CACNA2D2: variants seen among roughly 807,000 people sequenced by gnomAD.
CACNA2D2 encodes calcium voltage-gated channel auxiliary subunit alpha2delta 2.
Under a neutral mutation model 166.4 loss-of-function variants are expected in CACNA2D2, and 48 were observed. The observed-to-expected ratio is 0.29, with a 90% CI of 0.23 to 0.37. The LOEUF is 0.37. Ranked by LOEUF, CACNA2D2 falls within the 10% of genes least tolerant of loss-of-function variation. The pLI, the probability that CACNA2D2 is intolerant of heterozygous loss-of-function variation, is 1.00. For missense variants in CACNA2D2, 1,122 were observed against 1,433.0 expected (o/e 0.78, Z 3.50); for synonymous variants, 561 against 573.7 (o/e 0.98, Z 0.32).
intron 3 of CACNA2D2, among the ~76,000 whole-genome samples, chr3:50,402,893 G>A (rs1038404829): frequency 3.3e-5 from 5 of 151,770 alleles, no homozygotes; most frequent in Admixed American, 2.0e-4. Flanking sequence ...TCCAGGGGCC[G>A]TCGGCCACTC....
intron 1 of CACNA2D2, among the ~76,000 whole-genome samples, chr3:50,501,512 C>T (rs1232010412): frequency 1.3e-5 from 2 of 152,194 alleles, no homozygotes; most frequent in African/African-American, 4.8e-5. Flanking sequence ...GCCTCGCCAT[C>T]TTCTGGCTGG....
rs1458355614 is a variant in CACNA2D2 at position 50,365,661 on chromosome 3, G to A, written c.2943C>T (p.Gly981=). 1.3e-6 allele frequency: 2 copies of A among 1,582,964 alleles called. No homozygotes were observed. Among genetic ancestry groups the A allele is most frequent in the Non-Finnish European group, 1.7e-6 (2 of 1,164,808 alleles). The change falls in exon 34 of 38, where the codon GGC becomes GGT. Residue 981 remains glycine, a synonymous_variant. Coordinates refer to ENST00000424201, the MANE Select transcript of CACNA2D2 (RefSeq NM_006030.4). This position sits in a 1 kb window ranked among gnomAD's most constrained non-coding sequence, Gnocchi z 4.5. ...CTTGGAACCAGCTGTGGTAGATGAGGCCGTAGAGAAGCTGCTGGAACAGGG... is the reference window on the plus strand; with the variant it reads ...CTTGGAACCAGCTGTGGTAGATGAGACCGTAGAGAAGCTGCTGGAACAGGG... ...AWSLFQQLLY[G]LIYHSWFQAD...
At chr3:50,450,270 G>A (rs1709035322) in intron 2 of CACNA2D2, among the ~76,000 whole-genome samples, 1 of 152,092 alleles carries the variant, frequency 6.6e-6, no homozygotes, top group South Asian at 2.1e-4. Flanking sequence ...GGTCAGGTGA[G>A]GCAGTCCCTG....
At chr3:50,501,243 C>G (rs1300005950) in intron 1 of CACNA2D2, among the ~76,000 whole-genome samples, 4 of 152,164 alleles carry the variant, frequency 2.6e-5, no homozygotes, top group African/African-American at 9.7e-5. Flanking sequence ...GTGTGGGCCC[C>G]TTCCTCCCTC....
At position 50,375,890 on chromosome 3, in the gene CACNA2D2, C is replaced by T. The variant is rs2106640414; in HGVS notation, c.1774-10G>A. 2 of 1,612,850 alleles carry T rather than the reference C, an allele frequency of 1.2e-6. No homozygotes were observed. The highest frequency in any genetic ancestry group is 1.3e-5 in the African/African-American group (1 of 74,984). On this transcript the variant is annotated splice_polypyrimidine_tract_variant and intron_variant, in intron 19 of 37. Coordinates refer to ENST00000424201, the MANE Select transcript of CACNA2D2 (RefSeq NM_006030.4). The surrounding 1 kb of genome is among the most constrained non-coding windows in gnomAD (Gnocchi z 4.0). ...TCATGCTCCGACGGATCTGGAAGGG[C>T]CAGAGATGTGAGGGGCAGGGCCCCT...
chr3:50,448,589 G>T (rs1245011843), intron 2 of CACNA2D2, among the ~76,000 whole-genome samples: 1 of 152,124 alleles, frequency 6.6e-6, no homozygotes, highest in Non-Finnish European at 1.5e-5. Context: ...CCAGGTTTAT[G>T]GCGCATGTTG....
At position 50,398,749 on chromosome 3, in the gene CACNA2D2, G is replaced by A. The variant is rs190272876; in HGVS notation, c.406-4581C>T. On this transcript the variant is annotated intron_variant, in intron 3 of 37. Coordinates refer to ENST00000424201, the MANE Select transcript of CACNA2D2 (RefSeq NM_006030.4). The stretch of plus-strand genomic sequence containing the variant: ...TATTGGAGGGAACCTCAGTGGGACT[G>A]CTGAGTGGGGATGCTCACACCCAAG... Among the ~76,000 whole-genome samples, 446 of 152,320 alleles carry A rather than the reference G, an allele frequency of 2.9e-3. 3 individuals are homozygous for A. The highest frequency in any genetic ancestry group is 1.0e-2 in the African/African-American group (414 of 41,560).
chr3:50,424,039 T>G (rs2106850106), intron 3 of CACNA2D2, among the ~76,000 whole-genome samples: 1 of 152,366 alleles, frequency 6.6e-6, no homozygotes, highest in South Asian at 2.1e-4. Flanking sequence ...TAAACTCTGA[T>G]GACAGATCTG....
intron 1 of CACNA2D2, among the ~76,000 whole-genome samples, chr3:50,483,620 T>C (rs970505738): frequency 2.6e-5 from 4 of 151,262 alleles, no homozygotes; most frequent in African/African-American, 9.7e-5. Flanking sequence ...TTGGGGGGAG[T>C]GGAGGGAAGC....
intron 1 of CACNA2D2, among the ~76,000 whole-genome samples, chr3:50,499,502 G>A (rs1044428854): frequency 1.3e-5 from 2 of 152,180 alleles, no homozygotes; most frequent in Non-Finnish European, 2.9e-5. Flanking sequence ...TTTCAATTGT[G>A]GAAACTAAGG....
At chr3:50,414,141 C>T (rs1707161582) in intron 3 of CACNA2D2, among the ~76,000 whole-genome samples, 1 of 152,166 alleles carries the variant, frequency 6.6e-6, no homozygotes, top group East Asian at 1.9e-4. Flanking sequence ...ACAGACATCT[C>T]ATTCACAGAT....
chr3:50,365,434 A>T lies in CACNA2D2; in HGVS notation c.3020T>A (p.Val1007Asp). Residue 1007 changes from valine (V) to aspartate (D), a missense_variant, in exon 35 of 38, where the codon GTC becomes GAC. By Grantham distance (152) the Val-to-Asp change is radical. Transcript: ENST00000424201. This position sits in a 1 kb window ranked among gnomAD's most constrained non-coding sequence, Gnocchi z 4.5. ...GSPETRESSC[V>D]MKQTQYYFGS... is the part of the protein sequence containing the mutation. ...GAAGTAGTACTGGGTCTGTTTCATGACGCAGCTGCTCTCGCGCGTCTCGGG... is the reference window on the plus strand; with the variant it reads ...GAAGTAGTACTGGGTCTGTTTCATGTCGCAGCTGCTCTCGCGCGTCTCGGG... 6.2e-7 allele frequency: 1 copy of T among 1,613,548 alleles called. No individual in the cohort carries two copies. Among genetic ancestry groups the T allele is most frequent in the Non-Finnish European group, 8.5e-7 (1 of 1,179,872 alleles).
chr3:50,423,698 T>C (rs1413440816), intron 3 of CACNA2D2, among the ~76,000 whole-genome samples: 1 of 152,260 alleles, frequency 6.6e-6, no homozygotes, highest in Non-Finnish European at 1.5e-5. Flanking sequence ...AACTCCCATT[T>C]GTCAAGGCAC....
Position 50,370,399 on chromosome 3 carries a change from G to A in CACNA2D2, c.1985-19C>T. The A allele has an allele frequency of 1.3e-6, 2 of 1,494,468 alleles. No homozygotes were observed. The highest frequency in any genetic ancestry group is 1.8e-6 in the Non-Finnish European group (2 of 1,104,906). The allele number at this position is 1,494,468 out of a possible 1,614,324, so 92.6% of individuals were successfully genotyped here. A position where few individuals can be genotyped will look rare whatever the true frequency, so the allele number is the denominator to read the frequency against. On this transcript the variant is annotated intron_variant, in intron 22 of 37. Coordinates refer to ENST00000424201, the MANE Select transcript of CACNA2D2 (RefSeq NM_006030.4). Reference sequence around the variant, plus strand: ...TCAAAATCTGCAACAGAAACGGGGGGTTATCCGGCGGGGGCTGGGGAGGCT... The same window carrying A: ...TCAAAATCTGCAACAGAAACGGGGGATTATCCGGCGGGGGCTGGGGAGGCT...
At chr3:50,384,400 C>T in intron 5 of CACNA2D2, 63 bp from the exon 6 acceptor site, 2 of 1,586,252 alleles carry the variant, frequency 1.3e-6, no homozygotes, top group Non-Finnish European at 1.7e-6. Flanking sequence ...GTTGTAGAGG[C>T]CTGCAAGTAG....
intron 2 of CACNA2D2, among the ~76,000 whole-genome samples, chr3:50,445,091 G>A (rs1708778102): frequency 6.6e-6 from 1 of 152,228 alleles, no homozygotes; most frequent in Non-Finnish European, 1.5e-5. Flanking sequence ...GGCTCTGTGG[G>A]TGTCCATTCA....
intron 2 of CACNA2D2, among the ~76,000 whole-genome samples, chr3:50,469,997 A>C (rs1235555494): frequency 6.6e-6 from 1 of 152,130 alleles, no homozygotes; most frequent in Non-Finnish European, 1.5e-5. Flanking sequence ...AGCTGGTCCC[A>C]CCCAGAGATG....
At chr3:50,419,009 G>T (rs977769602) in intron 3 of CACNA2D2, among the ~76,000 whole-genome samples, 14 of 152,172 alleles carry the variant, frequency 9.2e-5, no homozygotes, top group African/African-American at 2.9e-4. Context: ...AGATGGAGTT[G>T]CTCAGCCTGC....
At position 50,387,648 on chromosome 3, in the gene CACNA2D2, C is replaced by G. The variant is rs139972333; in HGVS notation, c.466-36G>C. Reference sequence around the variant, plus strand: ...GAGAGAGGCCTCAGCACTAGCTGCTCAGGGTCCCGAGACAGACAGGACTCC... The same window carrying G: ...GAGAGAGGCCTCAGCACTAGCTGCTGAGGGTCCCGAGACAGACAGGACTCC... On this transcript the variant is annotated intron_variant, in intron 4 of 37. Coordinates refer to ENST00000424201, the MANE Select transcript of CACNA2D2 (RefSeq NM_006030.4). 7,551 of 1,568,362 alleles carry G rather than the reference C, an allele frequency of 4.8e-3. 137 individuals are homozygous for G. Among genetic ancestry groups the G allele is most frequent in the Non-Finnish European group, 3.1e-3 (3,497 of 1,142,672 alleles).
Sources: gnomAD v4.1 joint callset for allele counts (sites outside exome capture counted in the v4.1 genomes callset) on GRCh38, gnomAD v4.1.1 for gene constraint, Gnocchi (gnomAD v3.1) non-coding constraint, MANE v1.5 for transcripts, NCBI Gene and HGNC (gene_info 2026-07-23, HGNC 2026-07-21) for gene names.